MTUS2: variants seen among roughly 807,000 people sequenced by gnomAD.
The protein encoded by MTUS2 is microtubule-associated tumor suppressor candidate 2.
A neutral mutation model predicts 114.1 loss-of-function variants in MTUS2; 40 were observed. The ratio of observed to expected loss-of-function variants is 0.35; its 90% CI spans 0.27 to 0.46. MTUS2 has a LOEUF of 0.46. Ranked by LOEUF, MTUS2 falls within the 20% of genes least tolerant of loss-of-function variation. The probability of loss-of-function intolerance (pLI) is 1.00; values close to 1 mark genes in which losing one functional copy is unlikely to be tolerated. For missense variants in MTUS2, 1,679 were observed against 1,705.4 expected (o/e 0.98, Z 0.27); for synonymous variants, 688 against 672.0 (o/e 1.02, Z -0.37).
chr13:29,180,892 C>G (rs898128763), intron 5 of MTUS2, among the ~76,000 whole-genome samples: 1 of 152,080 alleles, frequency 6.6e-6, no homozygotes, highest in Non-Finnish European at 1.5e-5. Flanking sequence ...GTATTCTCTT[C>G]AACATAGAAA....
At chr13:29,447,846 A>AT (rs902470634) in intron 9 of MTUS2, among the ~76,000 whole-genome samples, 4 of 152,106 alleles carry the variant, frequency 2.6e-5, no homozygotes, top group African/African-American at 4.8e-5. Context: ...TTAATATTTG[A>AT]TTTTTTAATC....
At chr13:29,020,378 C>T (rs555697223) in intron 2 of MTUS2, among the ~76,000 whole-genome samples, 15 of 152,166 alleles carry the variant, frequency 9.9e-5, no homozygotes, top group Admixed American at 2.0e-4. Context: ...CTTCTGTGAT[C>T]ATGTTATATA....
At chr13:29,301,002 T>C (rs1249269392) in intron 6 of MTUS2, among the ~76,000 whole-genome samples, 1 of 152,190 alleles carries the variant, frequency 6.6e-6, no homozygotes, top group Non-Finnish European at 1.5e-5. Context: ...AAGAGTGACA[T>C]ATTTATTTGG....
intron 2 of MTUS2, among the ~76,000 whole-genome samples, chr13:28,880,248 T>C (rs1878210224): frequency 6.6e-6 from 1 of 152,236 alleles, no homozygotes; most frequent in Admixed American, 6.5e-5. Flanking sequence ...ATTTCCTTCC[T>C]GTCTACTGGT....
At chr13:29,112,370 A>G (rs1189144426) in intron 5 of MTUS2, among the ~76,000 whole-genome samples, 2 of 152,192 alleles carry the variant, frequency 1.3e-5, no homozygotes, top group Admixed American at 6.5e-5. Flanking sequence ...TGGTCAAGCC[A>G]TCTGTGCTGT....
intron 2 of MTUS2, among the ~76,000 whole-genome samples, chr13:28,962,244 C>T (rs1321023924): frequency 6.6e-6 from 1 of 152,060 alleles, no homozygotes; most frequent in Non-Finnish European, 1.5e-5. Flanking sequence ...CAAATGTACT[C>T]TTCCACCAGT....
intron 8 of MTUS2, among the ~76,000 whole-genome samples, chr13:29,416,637 T>G (rs1201007508): frequency 6.6e-6 from 1 of 152,186 alleles, no homozygotes; most frequent in Non-Finnish European, 1.5e-5. Flanking sequence ...TCCCTAAGGT[T>G]TTGTGTGTTT....
At chr13:29,088,106 G>A (rs1723846330) in intron 4 of MTUS2, among the ~76,000 whole-genome samples, 1 of 150,830 alleles carries the variant, frequency 6.6e-6, no homozygotes, top group Non-Finnish European at 1.5e-5. Context: ...TTCTGGTGTA[G>A]GTGTTTAGTC....
intron 2 of MTUS2, among the ~76,000 whole-genome samples, chr13:28,924,921 G>A (rs918714042): frequency 4.6e-5 from 7 of 151,762 alleles, no homozygotes; most frequent in Admixed American, 6.6e-5. Context: ...TACACACATC[G>A]CCTTCTGCTT....
At chr13:28,861,446 T>TTC (rs1293086279) in intron 2 of MTUS2, among the ~76,000 whole-genome samples, 1 of 151,226 alleles carries the variant, frequency 6.6e-6, no homozygotes, top group Non-Finnish European at 1.5e-5. Context: ...TTTCTTTTTT[T>TTC]TTTTTTTTTA....
intron 2 of MTUS2, among the ~76,000 whole-genome samples, chr13:28,860,702 A>G (rs933625450): frequency 6.6e-6 from 1 of 152,152 alleles, no homozygotes; most frequent in African/African-American, 2.4e-5. Flanking sequence ...TGTGCTGGAT[A>G]TTGGAGGAAC....
intron 7 of MTUS2, among the ~76,000 whole-genome samples, chr13:29,331,309 T>C (rs535698819): frequency 6.6e-6 from 1 of 152,312 alleles, no homozygotes; most frequent in East Asian, 1.9e-4. Flanking sequence ...TTTGGTGAAG[T>C]TGCTTATCAG....
intron 2 of MTUS2, among the ~76,000 whole-genome samples, chr13:28,966,108 A>G (rs1455141054): frequency 6.6e-6 from 1 of 152,232 alleles, no homozygotes; most frequent in Non-Finnish European, 1.5e-5. Flanking sequence ...CCAAATAATA[A>G]TAGTGAAATA....
chr13:28,928,450 T>C (rs192637525), intron 2 of MTUS2, among the ~76,000 whole-genome samples: 2 of 152,204 alleles, frequency 1.3e-5, no homozygotes, highest in Non-Finnish European at 2.9e-5. Context: ...AAAATCTAAA[T>C]AGACATTTCT....
intron 6 of MTUS2, among the ~76,000 whole-genome samples, chr13:29,316,338 GGAA>G (rs1380244022): frequency 6.6e-5 from 10 of 152,146 alleles, no homozygotes; most frequent in Admixed American, 2.6e-4. Flanking sequence ...TTTTACCAAA[GGAA>G]GAAGGAGTTC....
chr13:29,158,384 T>C (rs1459449742), intron 5 of MTUS2, among the ~76,000 whole-genome samples: 1 of 136,442 alleles, frequency 7.3e-6, no homozygotes, highest in Non-Finnish European at 1.6e-5. Flanking sequence ...TTTTTTTTGC[T>C]AATTAGCAGG....
At chr13:29,008,577 G>A (rs1002103708) in intron 2 of MTUS2, among the ~76,000 whole-genome samples, 1 of 152,156 alleles carries the variant, frequency 6.6e-6, no homozygotes, top group Non-Finnish European at 1.5e-5. Flanking sequence ...ATTTTTGCAT[G>A]TTTGAAAATG....
intron 2 of MTUS2, among the ~76,000 whole-genome samples, chr13:28,854,675 AAAAGTTAC>A: frequency 6.6e-6 from 1 of 152,354 alleles, no homozygotes; most frequent in South Asian, 2.1e-4. Context: ...CATAAATTTT[AAAAGTTAC>A]AAAGTAATCC....
At chr13:29,111,433 A>G (rs1262955170) in intron 5 of MTUS2, among the ~76,000 whole-genome samples, 2 of 152,198 alleles carry the variant, frequency 1.3e-5, no homozygotes, top group Non-Finnish European at 2.9e-5. Context: ...TTATTAGTCC[A>G]GTACCAGAAC....
Sources: allele counts gnomAD v4.1 joint callset (sites outside exome capture counted in the v4.1 genomes callset), GRCh38; gene constraint gnomAD v4.1.1; transcripts MANE v1.5; gene names NCBI Gene and HGNC (gene_info 2026-07-23, HGNC 2026-07-21).